The following SEMA5A variants were observed in gnomAD, a reference collection of about 807,000 sequenced individuals.
SEMA5A encodes the protein semaphorin 5A.
SEMA5A carries 55 observed loss-of-function variants against 135.5 expected under a neutral mutation model. The observed-to-expected ratio is 0.41, with a 90% CI of 0.33 to 0.51. The LOEUF (loss-of-function observed/expected upper bound fraction) is 0.51, where lower values mean the gene tolerates loss of function less well. Ranked by LOEUF, SEMA5A falls within the 20% of genes least tolerant of loss-of-function variation. The pLI, the probability that SEMA5A is intolerant of heterozygous loss-of-function variation, is 0.37. For synonymous variants in SEMA5A, 580 were observed against 546.5 expected (o/e 1.06, Z -0.85); for missense variants, 1,290 against 1,419.9 (o/e 0.91, Z 1.47).
chr5:9,502,387 C>T (rs1735644091), intron 1 of SEMA5A, among the ~76,000 whole-genome samples: 1 of 151,970 alleles, frequency 6.6e-6, no homozygotes, highest in Non-Finnish European at 1.5e-5. Context: ...ACCATTTGGC[C>T]CAGGGTGAGA....
intron 4 of SEMA5A, among the ~76,000 whole-genome samples, chr5:9,331,884 A>T (rs1315017461): frequency 6.6e-6 from 1 of 152,140 alleles, no homozygotes; most frequent in Non-Finnish European, 1.5e-5. Context: ...CATTAGCCAA[A>T]CAAATGGTTC....
At chr5:9,441,118 C>T (rs1758216286) in intron 1 of SEMA5A, among the ~76,000 whole-genome samples, 6 of 152,208 alleles carry the variant, frequency 3.9e-5, no homozygotes, top group Admixed American at 3.9e-4. Context: ...AGCACAGCCC[C>T]ATGGCCACAC....
At chr5:9,531,427 C>T (rs1235179324) in intron 1 of SEMA5A, among the ~76,000 whole-genome samples, 1 of 152,170 alleles carries the variant, frequency 6.6e-6, no homozygotes, top group Non-Finnish European at 1.5e-5. Flanking sequence ...TGGGCAAGTA[C>T]CAACAGTGTA....
At chr5:9,305,505 C>T (rs905084004) in intron 5 of SEMA5A, among the ~76,000 whole-genome samples, 42 of 151,898 alleles carry the variant, frequency 2.8e-4, no homozygotes, top group African/African-American at 9.7e-4. Flanking sequence ...TGTAGACCAG[C>T]CATCATTGCT....
At chr5:9,322,437 T>A (rs935830640) in intron 4 of SEMA5A, among the ~76,000 whole-genome samples, 1 of 152,014 alleles carries the variant, frequency 6.6e-6, no homozygotes, top group African/African-American at 2.4e-5. Flanking sequence ...TGAAATACCA[T>A]CACCAGCACC....
At chr5:9,085,608 A>G (rs1738636894) in intron 16 of SEMA5A, among the ~76,000 whole-genome samples, 1 of 152,206 alleles carries the variant, frequency 6.6e-6, no homozygotes, top group Non-Finnish European at 1.5e-5. Context: ...TAGAGGATGT[A>G]TGGAAACACA....
intron 8 of SEMA5A, among the ~76,000 whole-genome samples, chr5:9,219,080 T>C (rs1746789873): frequency 6.6e-6 from 1 of 152,178 alleles, no homozygotes; most frequent in Non-Finnish European, 1.5e-5. Context: ...CAAGAACCAG[T>C]AAGACAAATT....
At chr5:9,097,225 A>C (rs1739372407) in intron 16 of SEMA5A, among the ~76,000 whole-genome samples, 1 of 152,184 alleles carries the variant, frequency 6.6e-6, no homozygotes, top group African/African-American at 2.4e-5. Context: ...TAGAGACCAC[A>C]CTTCCCTTAT....
At chr5:9,406,603 G>T (rs891411861) in intron 2 of SEMA5A, among the ~76,000 whole-genome samples, 3 of 152,054 alleles carry the variant, frequency 2.0e-5, no homozygotes, top group African/African-American at 7.2e-5. Flanking sequence ...AGTATGGATG[G>T]CACTGGACAT....
At chr5:9,432,937 A>C (rs1293081937) in intron 2 of SEMA5A, among the ~76,000 whole-genome samples, 1 of 152,230 alleles carries the variant, frequency 6.6e-6, no homozygotes, top group African/African-American at 2.4e-5. Flanking sequence ...TTGTTAAAAT[A>C]TAGTCATAGG....
intron 16 of SEMA5A, among the ~76,000 whole-genome samples, chr5:9,097,586 A>G (rs560408176): frequency 3.9e-5 from 6 of 152,168 alleles, no homozygotes; most frequent in African/African-American, 9.7e-5. Flanking sequence ...GGAACCTACA[A>G]TGGGTAATGT....
intron 16 of SEMA5A, among the ~76,000 whole-genome samples, chr5:9,088,659 T>TATATATATATATATACAC: frequency 3.5e-5 from 4 of 112,886 alleles, no homozygotes; most frequent in East Asian, 2.2e-4. Flanking sequence ...TATATATATA[T>TATATATATATATATACAC]ACACACACAC....
At chr5:9,180,234 A>C (rs1391846385) in intron 11 of SEMA5A, among the ~76,000 whole-genome samples, 2 of 152,224 alleles carry the variant, frequency 1.3e-5, no homozygotes, top group African/African-American at 4.8e-5. Flanking sequence ...AAGGTCAAAT[A>C]GGGTACTGAA....
chr5:9,475,787 C>A (rs1197681960), intron 1 of SEMA5A, among the ~76,000 whole-genome samples: 1 of 152,108 alleles, frequency 6.6e-6, no homozygotes, highest in Non-Finnish European at 1.5e-5. Context: ...AAGAACCTGG[C>A]AATTAATAAG....
intron 11 of SEMA5A, among the ~76,000 whole-genome samples, chr5:9,168,869 C>T (rs1743758314): frequency 6.6e-6 from 1 of 152,138 alleles, no homozygotes; most frequent in African/African-American, 2.4e-5. Context: ...TTTCTAAGTA[C>T]TTTATTCATA....
intron 8 of SEMA5A, among the ~76,000 whole-genome samples, chr5:9,223,779 A>G (rs1217927293): frequency 2.0e-5 from 3 of 152,170 alleles, no homozygotes; most frequent in Admixed American, 2.0e-4. Flanking sequence ...GTGTGAGACC[A>G]CACTCACACA....
chr5:9,137,060 C>T (rs374292768), intron 12 of SEMA5A, among the ~76,000 whole-genome samples: 189 of 152,234 alleles, frequency 1.2e-3, no homozygotes, highest in African/African-American at 4.1e-3. Context: ...AGCATGCAGA[C>T]GCTTAAACGA....
intron 2 of SEMA5A, among the ~76,000 whole-genome samples, chr5:9,387,871 A>T (rs1427357030): frequency 6.6e-6 from 1 of 152,264 alleles, no homozygotes; most frequent in Non-Finnish European, 1.5e-5. Flanking sequence ...AGGATGTTCC[A>T]CAAATATATC....
chr5:9,432,544 T>C (rs1031562954), intron 2 of SEMA5A, among the ~76,000 whole-genome samples: 3 of 152,126 alleles, frequency 2.0e-5, no homozygotes, highest in African/African-American at 7.2e-5. Flanking sequence ...CCTTATTTTA[T>C]AGCCAAGAAA....
Sources: allele counts gnomAD v4.1 joint callset (sites outside exome capture counted in the v4.1 genomes callset), GRCh38; gene constraint gnomAD v4.1.1; transcripts MANE v1.5; gene names NCBI Gene and HGNC (gene_info 2026-07-23, HGNC 2026-07-21).